ANKRD6: variants seen among roughly 807,000 people sequenced by gnomAD.
ANKRD6 encodes the protein ankyrin repeat domain-containing protein 6.
In ANKRD6, 56 loss-of-function variants were observed where a neutral mutation model predicts 82.3. The ratio of observed to expected loss-of-function variants is 0.68; its 90% confidence interval spans 0.55 to 0.85. ANKRD6 has a LOEUF of 0.85. Ranked by LOEUF, ANKRD6 falls within the 40% of genes least tolerant of loss-of-function variation. The pLI is 0.00. For missense variants in ANKRD6, 852 were observed against 907.6 expected (o/e 0.94, Z 0.79); for synonymous variants, 347 against 352.1 (o/e 0.99, Z 0.16).
chr6:89,539,961 T>A (rs746632423), intron 1 of ANKRD6, among the ~76,000 whole-genome samples: 3 of 152,214 alleles, frequency 2.0e-5, no homozygotes, highest in African/African-American at 7.2e-5. Flanking sequence ...GTTCCATTCA[T>A]GTTGTTGCTA....
intron 1 of ANKRD6, among the ~76,000 whole-genome samples, chr6:89,515,506 G>A (rs368634790): frequency 1.2e-4 from 19 of 152,216 alleles, no homozygotes; most frequent in African/African-American, 4.3e-4. Flanking sequence ...TGGTATGGTC[G>A]GCAGGTAAAA....
At chr6:89,448,735 T>C (rs949642320) in intron 1 of ANKRD6, among the ~76,000 whole-genome samples, 2 of 152,180 alleles carry the variant, frequency 1.3e-5, no homozygotes, top group African/African-American at 2.4e-5. Context: ...TTTCAAGTCT[T>C]ATTTAAGAAA....
chr6:89,561,886 A>G (rs1362671326), intron 1 of ANKRD6, among the ~76,000 whole-genome samples: 1 of 152,204 alleles, frequency 6.6e-6, no homozygotes, highest in African/African-American at 2.4e-5. Flanking sequence ...AAGGCAAATG[A>G]TGACCAAAGC....
At chr6:89,598,047 A>T in intron 3 of ANKRD6, 1 of 940,492 alleles carries the variant, frequency 1.1e-6, no homozygotes. Flanking sequence ...AGAAACAGAG[A>T]ATGTTAATGA....
intron 2 of ANKRD6, among the ~76,000 whole-genome samples, chr6:89,579,364 G>A (rs1791922029): frequency 6.6e-6 from 1 of 152,232 alleles, no homozygotes; most frequent in Non-Finnish European, 1.5e-5. Context: ...ATGCAACAAT[G>A]CTAAGAGCTG....
Position 89,623,802 on chromosome 6 carries a change from G to T in ANKRD6, c.1033-70G>T, listed in dbSNP as rs954611691. On this transcript the variant is annotated intron_variant, in intron 11 of 15. Coordinates refer to ENST00000339746, the MANE Select transcript of ANKRD6 (RefSeq NM_001242809.2). Reference sequence around the variant, plus strand: ...TCTTTGCCCAAATGGGGTGACATGGGCGCCACCGACTGGTGTCAGTCTTGC... The same window carrying T: ...TCTTTGCCCAAATGGGGTGACATGGTCGCCACCGACTGGTGTCAGTCTTGC... 6.1e-5 allele frequency: 91 copies of T among 1,493,632 alleles called. 1 individual carries two copies. In the Middle Eastern group the frequency reaches 1.5e-3, roughly 24 times the overall value. The allele number at this position is 1,493,632 out of a possible 1,614,324, so 92.5% of individuals were successfully genotyped here.
At chr6:89,577,076 A>G (rs1791282383) in intron 2 of ANKRD6, among the ~76,000 whole-genome samples, 1 of 151,988 alleles carries the variant, frequency 6.6e-6, no homozygotes, top group Non-Finnish European at 1.5e-5. Flanking sequence ...CTTTATGTGC[A>G]GAATCCACAG....
intron 1 of ANKRD6, among the ~76,000 whole-genome samples, chr6:89,497,904 A>AT (rs995369466): frequency 1.3e-5 from 2 of 152,168 alleles, no homozygotes; most frequent in African/African-American, 4.8e-5. Context: ...CCAGGCAACC[A>AT]TTGGTCCCCT....
chr6:89,477,663 C>T (rs970376382), intron 1 of ANKRD6, among the ~76,000 whole-genome samples: 4 of 150,228 alleles, frequency 2.7e-5, no homozygotes, highest in East Asian at 2.0e-4. Context: ...CCCAGCTACT[C>T]GGGAGGCTGA....
intron 1 of ANKRD6, among the ~76,000 whole-genome samples, chr6:89,550,935 G>A (rs1372924620): frequency 2.0e-5 from 3 of 152,004 alleles, no homozygotes; most frequent in African/African-American, 7.3e-5. Flanking sequence ...CAGCCTGGGC[G>A]ACAGAGACAA....
At chr6:89,527,601 CA>C (rs35855223) in intron 1 of ANKRD6, among the ~76,000 whole-genome samples, 861 of 45,640 alleles carry the variant, frequency 0.019, 1 homozygote, top group African/African-American at 0.068. Context: ...GACTCCGTCT[CA>C]AAAAAAAAAA....
intron 1 of ANKRD6, among the ~76,000 whole-genome samples, chr6:89,454,213 G>T (rs1024182493): frequency 6.6e-6 from 1 of 152,170 alleles, no homozygotes; most frequent in African/African-American, 2.4e-5. Context: ...TCTTATGGGT[G>T]CACATCTAGA....
intron 5 of ANKRD6, among the ~76,000 whole-genome samples, chr6:89,608,032 A>G (rs1799239761): frequency 6.6e-6 from 1 of 152,192 alleles, no homozygotes; most frequent in Non-Finnish European, 1.5e-5. Flanking sequence ...CGGCCTCCCA[A>G]AGTGTTGGGA....
Position 89,433,576 on chromosome 6 carries a change from C to G in ANKRD6, c.-144+201C>G, listed in dbSNP as rs1562490352. Among the ~76,000 whole-genome samples, 1 of 152,228 alleles carries G rather than the reference C, an allele frequency of 6.6e-6. No homozygotes were observed. The highest frequency in any genetic ancestry group is 1.5e-5 in the Non-Finnish European group (1 of 68,036). ...GAAAACGCCCGGCGCGAGGGGGTCC[C>G]CCCGGGGCGCCTCCCTCTTCGCCTG... On this transcript the variant is annotated intron_variant, in intron 1 of 15. Coordinates refer to ENST00000339746, the MANE Select transcript of ANKRD6 (RefSeq NM_001242809.2). The surrounding 1 kb of genome is among the most constrained non-coding windows in gnomAD (Gnocchi z 4.3).
At chr6:89,627,503 A>C (rs1806116822) in intron 13 of ANKRD6, 80 bp from the exon 14 acceptor site, 1 of 1,332,900 alleles carries the variant, frequency 7.5e-7, no homozygotes, top group Admixed American at 1.9e-5. Context: ...TGGTTCCCCA[A>C]GCCCCTCTGC....
rs191695733 is a variant in ANKRD6 at position 89,441,952 on chromosome 6, C to T, written c.-144+8577C>T. ...CAGCCAGCCATGGTTTTCAAGAGGTCCTCGGAACATGTGTCTAGGTGGTTG... is the reference window on the plus strand; with the variant it reads ...CAGCCAGCCATGGTTTTCAAGAGGTTCTCGGAACATGTGTCTAGGTGGTTG... On this transcript the variant is annotated intron_variant, in intron 1 of 15. Coordinates refer to ENST00000339746, the MANE Select transcript of ANKRD6 (RefSeq NM_001242809.2). Among the ~76,000 whole-genome samples, 333 of 151,400 alleles carry T rather than the reference C, an allele frequency of 2.2e-3. 1 individual carries two copies. The highest frequency in any genetic ancestry group is 7.6e-3 in the African/African-American group (316 of 41,330).
chr6:89,449,215 C>A (rs1040498923), intron 1 of ANKRD6, among the ~76,000 whole-genome samples: 5 of 152,190 alleles, frequency 3.3e-5, no homozygotes, highest in African/African-American at 1.2e-4. Context: ...TAACAGGGTT[C>A]TGAAGAGGCT....
chr6:89,624,199 C>G (rs2128261317), intron 12 of ANKRD6, 142 bp downstream of exon 12: 2 of 979,382 alleles, frequency 2.0e-6, no homozygotes, highest in East Asian at 2.6e-5. Flanking sequence ...GATGGCCTCC[C>G]CACCTGCACG....
At chr6:89,440,717 C>T (rs1038670959) in intron 1 of ANKRD6, among the ~76,000 whole-genome samples, 4 of 151,916 alleles carry the variant, frequency 2.6e-5, no homozygotes, top group Non-Finnish European at 5.9e-5. Flanking sequence ...ATCGCTTGAG[C>T]CCAGGAGTTT....
Sources: allele counts gnomAD v4.1 joint callset (sites outside exome capture counted in the v4.1 genomes callset), GRCh38; gene constraint gnomAD v4.1.1; non-coding constraint Gnocchi (gnomAD v3.1); transcripts MANE v1.5; gene names NCBI Gene and HGNC (gene_info 2026-07-23, HGNC 2026-07-21).